Variants in CD300LF observed in about 807,000 individuals in gnomAD.
The protein encoded by CD300LF is CMRF35-like molecule 1.
Under a neutral mutation model 32.2 loss-of-function variants are expected in CD300LF, and 27 were observed. That is an observed-to-expected ratio of 0.84 (90% CI 0.62 to 1.15). The LOEUF is 1.15. Among genes scored for constraint, CD300LF ranks in the 50% most tolerant of loss-of-function variants. The pLI, the probability that CD300LF is intolerant of heterozygous loss-of-function variation, is 0.00. For missense variants in CD300LF, 348 were observed against 356.8 expected, an observed-to-expected ratio of 0.98 and a Z score of 0.20; for synonymous variants, 139 against 143.2, an observed-to-expected ratio of 0.97 and a Z score of 0.21.
In CD300LF at chr17:74,704,546, G is replaced by A. The variant is rs374961630; in HGVS notation, c.314C>T (p.Thr105Ile). Reference sequence around the variant, plus strand: ...AGTTTTCTCAATTCCACACCAGTAAGTGTCAGCATCAGTTTTCATGAGATC... The same window carrying A: ...AGTTTTCTCAATTCCACACCAGTAAATGTCAGCATCAGTTTTCATGAGATC... ...MEDLMKTDAD[T>I]YWCGIEKTGN... is the part of the protein sequence containing the mutation. Residue 105 changes from threonine to isoleucine, a missense_variant, in exon 2 of 7, where the codon ACT becomes ATT. Physicochemically the swap from Thr to Ile is moderately conservative, Grantham distance 89. Coordinates refer to ENST00000326165, the MANE Select transcript of CD300LF (RefSeq NM_139018.5). The A allele has an allele frequency of 1.5e-5, 24 of 1,614,028 alleles. No homozygotes were observed. The highest frequency in any genetic ancestry group is 1.9e-5 in the Non-Finnish European group (22 of 1,180,046).
Position 74,698,411 on chromosome 17 carries a change from C to T in CD300LF, c.517G>A (p.Ala173Thr), listed in dbSNP as rs148594652. The change falls in exon 4 of 7, where the codon GCC (alanine) becomes ACC (threonine). Residue 173 changes from alanine to threonine, a missense_variant. Ala to Thr is a moderately conservative substitution (Grantham distance 58). Transcript: ENST00000326165. Reference sequence around the variant, plus strand: ...ATCATCCTCCAAGCCAAGAGTGAGGCGGCCACCAAAAGCAGCAGCAATATG... The same window carrying T: ...ATCATCCTCCAAGCCAAGAGTGAGGTGGCCACCAAAAGCAGCAGCAATATG... ...FTILLLLLVA[A>T]SLLAWRMMKY... 286 of 1,613,954 alleles carry T rather than the reference C, an allele frequency of 1.8e-4. 1 individual carries two copies. The highest frequency in any genetic ancestry group is 8.3e-4 in the Middle Eastern group (5 of 6,012).
Position 74,712,884 on chromosome 17 carries a change from C to T in CD300LF, c.-18G>A. 1.9e-6 allele frequency: 3 copies of T among 1,613,660 alleles called. No homozygotes were observed. Among genetic ancestry groups the T allele is most frequent in the East Asian group, 2.2e-5 (1 of 44,844 alleles). ...AGGGGCATCTTCTCTTCAGACAGGT[C>T]CCCGTTCCCCTCAGTGGAGCCTGGC... On this transcript the variant is annotated 5_prime_UTR_variant, in exon 1 of 7. Coordinates refer to ENST00000326165, the MANE Select transcript of CD300LF (RefSeq NM_139018.5).
At chr17:74,697,920 C>T (rs1367328499) in intron 4 of CD300LF, among the ~76,000 whole-genome samples, 2 of 152,108 alleles carry the variant, frequency 1.3e-5, no homozygotes, top group East Asian at 3.9e-4. Context: ...GTGTGTGTGC[C>T]CATGATCGCG....
Position 74,695,903 on chromosome 17 carries a change from T to C in CD300LF, c.583-44A>G, listed in dbSNP as rs200772016. On this transcript the variant is annotated intron_variant, in intron 5 of 6. Coordinates refer to ENST00000326165, the MANE Select transcript of CD300LF (RefSeq NM_139018.5). Reference sequence around the variant, plus strand: ...GCTGGGGAGTCACAAGATCTGTCTGTGGACACAGGTTCCTTTTCCACGGTG... The same window carrying C: ...GCTGGGGAGTCACAAGATCTGTCTGCGGACACAGGTTCCTTTTCCACGGTG... 434 of 1,590,930 alleles carry C rather than the reference T, an allele frequency of 2.7e-4. 1 individual carries two copies. The Middle Eastern group carries it at 4.7e-3, about 17-fold the overall frequency.
At chr17:74,710,665 C>T (rs975681024) in intron 1 of CD300LF, among the ~76,000 whole-genome samples, 3 of 151,018 alleles carry the variant, frequency 2.0e-5, no homozygotes, top group Non-Finnish European at 2.9e-5. Flanking sequence ...TCGAGACCAG[C>T]CTAACCAACA....
chr17:74,704,387 C>T (rs1426796896), intron 2 of CD300LF, 91 bp downstream of exon 2: 1 of 940,344 alleles, frequency 1.1e-6, no homozygotes, highest in Non-Finnish European at 1.6e-6. Context: ...TGATAGATCA[C>T]TCAGTGACAA....
At chr17:74,704,287 A>G in intron 2 of CD300LF, 191 bp downstream of exon 2, 1 of 593,168 alleles carries the variant, frequency 1.7e-6, no homozygotes, top group Non-Finnish European at 3.0e-6. Flanking sequence ...TCGTGGAGGG[A>G]GCCCTGGGAG....
At position 74,696,234 on chromosome 17, in the gene CD300LF, A is replaced by G. The variant is rs376282341; in HGVS notation, c.560-17T>C. ...TCCCGGCTGCTAAAAGACAAACAAC[A>G]ATTCAGAATTAGAAAGCCCATTCCC... is the stretch of plus-strand genomic sequence containing the variant. On this transcript the variant is annotated splice_polypyrimidine_tract_variant and intron_variant, in intron 4 of 6. Transcript: ENST00000326165. 4 of 1,603,222 alleles carry G rather than the reference A, an allele frequency of 2.5e-6. No homozygotes were observed. The highest frequency in any genetic ancestry group is 3.4e-6 in the Non-Finnish European group (4 of 1,174,768).
At chr17:74,708,723 T>C (rs2033716266) in intron 1 of CD300LF, among the ~76,000 whole-genome samples, 1 of 152,136 alleles carries the variant, frequency 6.6e-6, no homozygotes, top group Non-Finnish European at 1.5e-5. Context: ...GAGACCATCC[T>C]GGCTAACACG....
chr17:74,704,664 C>T lies in CD300LF; in HGVS notation c.196G>A (p.Val66Ile), dbSNP rs1331895400. Reference sequence around the variant, plus strand: ...TCCTGCTCTGACCCACTGGTTTTAACAAGGATCTTGCAGTCACGCCAAATA... The same window carrying T: ...TCCTGCTCTGACCCACTGGTTTTAATAAGGATCTTGCAGTCACGCCAAATA... ...GAIWRDCKIL[V>I]KTSGSEQEVK... Residue 66 changes from valine to isoleucine, a missense_variant, in exon 2 of 7, where the codon GTT becomes ATT. Coordinates refer to ENST00000326165, the MANE Select transcript of CD300LF (RefSeq NM_139018.5). The T allele has an allele frequency of 6.2e-7, 1 of 1,614,198 alleles. No homozygotes were observed. Among genetic ancestry groups the T allele is most frequent in the African/African-American group, 1.3e-5 (1 of 75,042 alleles).
chr17:74,705,031 A>C (rs1344962279), intron 1 of CD300LF, among the ~76,000 whole-genome samples: 1 of 152,198 alleles, frequency 6.6e-6, no homozygotes, highest in African/African-American at 2.4e-5. Flanking sequence ...GGATCCCCCC[A>C]AAAATAAAAA....
intron 1 of CD300LF, chr17:74,705,318 C>T (rs1054152656): frequency 2.2e-5 from 15 of 683,376 alleles, no homozygotes; most frequent in Non-Finnish European, 3.5e-5. Flanking sequence ...TGGAATAAAC[C>T]ACCCTGGATG....
intron 1 of CD300LF, chr17:74,705,211 C>G (rs556337565): frequency 3.1e-5 from 22 of 702,472 alleles, no homozygotes; most frequent in South Asian, 3.1e-4. Flanking sequence ...TACCTTGACT[C>G]TTAGCACTGA....
At chr17:74,711,228 G>A (rs942289919) in intron 1 of CD300LF, among the ~76,000 whole-genome samples, 1 of 152,058 alleles carries the variant, frequency 6.6e-6, no homozygotes, top group Non-Finnish European at 1.5e-5. Context: ...AGTGGTATCC[G>A]GGCTCCATGT....
intron 3 of CD300LF, 103 bp downstream of exon 3, chr17:74,702,932 G>A: frequency 1.1e-6 from 1 of 942,672 alleles, no homozygotes; most frequent in East Asian, 2.4e-5. Flanking sequence ...CAAGGAGCAT[G>A]CAGGTCCCAG....
chr17:74,698,334 C>T (rs1187792954), intron 4 of CD300LF, 35 bp downstream of exon 4: 4 of 1,463,162 alleles, frequency 2.7e-6, no homozygotes, highest in Non-Finnish European at 3.8e-6. Context: ...GCCACCCGGC[C>T]CAGTCTCAGC....
At chr17:74,710,427 A>G (rs1458126012) in intron 1 of CD300LF, among the ~76,000 whole-genome samples, 1 of 152,256 alleles carries the variant, frequency 6.6e-6, no homozygotes, top group Non-Finnish European at 1.5e-5. Flanking sequence ...ATAAACATGT[A>G]AAAATCAATG....
intron 5 of CD300LF, 148 bp from the exon 6 acceptor site, chr17:74,696,007 G>A (rs1010596251): frequency 1.6e-6 from 2 of 1,262,220 alleles, no homozygotes; most frequent in African/African-American, 3.0e-5. Flanking sequence ...TCAGGCTCCT[G>A]TACCCCTCAG....
intron 2 of CD300LF, among the ~76,000 whole-genome samples, chr17:74,704,015 A>C (rs1294445848): frequency 6.6e-6 from 1 of 152,222 alleles, no homozygotes; most frequent in African/African-American, 2.4e-5. Context: ...CACCCCGACT[A>C]TGCTGAGCCT....
Sources: gnomAD v4.1 joint callset for allele counts (sites outside exome capture counted in the v4.1 genomes callset) on GRCh38, gnomAD v4.1.1 for gene constraint, MANE v1.5 for transcripts, NCBI Gene and HGNC (gene_info 2026-07-23, HGNC 2026-07-21) for gene names.